The following TSNARE1 variants were observed in gnomAD, a reference collection of about 807,000 sequenced individuals.
TSNARE1 encodes the protein t-SNARE domain containing 1, also known as t-SNARE domain-containing protein 1.
A neutral mutation model predicts 62.0 loss-of-function variants in TSNARE1; 49 were observed. The ratio of observed to expected loss-of-function variants is 0.79; its 90% CI spans 0.63 to 1.00. TSNARE1 has a LOEUF of 1.00. Ranked by LOEUF, TSNARE1 falls within the 50% of genes least tolerant of loss-of-function variation. TSNARE1 has a pLI of 0.00. For synonymous variants in TSNARE1, 328 were observed against 294.4 expected (o/e 1.11, Z -1.17); for missense variants, 755 against 700.1 (o/e 1.08, Z -0.88).
intron 10 of TSNARE1, among the ~76,000 whole-genome samples, chr8:142,288,676 T>A (rs1019815267): frequency 6.6e-6 from 1 of 152,076 alleles, no homozygotes; most frequent in Non-Finnish European, 1.5e-5. Flanking sequence ...GAGGAGCTGG[T>A]GGGGGGTGGG....
At chr8:142,400,237 T>C (rs759376868) in intron 1 of TSNARE1, among the ~76,000 whole-genome samples, 69 of 147,188 alleles carry the variant, frequency 4.7e-4, no homozygotes, top group Non-Finnish European at 7.9e-4. Context: ...TAAAGGTCAG[T>C]AGTTTGAGTC....
chr8:142,326,486 A>G (rs13257419), intron 6 of TSNARE1, among the ~76,000 whole-genome samples: 1,000 of 20,906 alleles, frequency 0.048, 333 homozygotes, highest in South Asian at 0.065. Context: ...GGCATGAGAC[A>G]GATGAGGAAC....
At chr8:142,254,195 C>A (rs915759982) in intron 12 of TSNARE1, among the ~76,000 whole-genome samples, 1 of 152,224 alleles carries the variant, frequency 6.6e-6, no homozygotes, top group Admixed American at 6.5e-5. Context: ...CGATCTATAT[C>A]TGTTTGCAGG....
intron 11 of TSNARE1, chr8:142,275,134 C>G: frequency 2.0e-6 from 2 of 985,430 alleles, no homozygotes; most frequent in Non-Finnish European, 2.4e-6. Context: ...AGAGTCCACT[C>G]AGGAAAGGGT....
intron 4 of TSNARE1, among the ~76,000 whole-genome samples, chr8:142,342,410 C>A (rs1474824567): frequency 1.3e-5 from 2 of 152,192 alleles, no homozygotes; most frequent in Non-Finnish European, 2.9e-5. Flanking sequence ...GTCCTCGCCA[C>A]ACACTGGGCT....
At position 142,303,516 on chromosome 8, in the gene TSNARE1, G is replaced by A. The variant is rs564118023; in HGVS notation, c.1132-2872C>T. ...CACAGGAGACGGAGGGCTCCGCCCC[G>A]TCTCACATGCTTTTCTTTCCAGGAA... On this transcript the variant is annotated intron_variant, in intron 9 of 13. Transcript: ENST00000524325. Among the ~76,000 whole-genome samples, 10 of 152,316 alleles carry A rather than the reference G, an allele frequency of 6.6e-5. No homozygotes were observed. In the South Asian group the frequency reaches 8.3e-4, roughly 13 times the overall value.
intron 11 of TSNARE1, among the ~76,000 whole-genome samples, chr8:142,282,165 G>A (rs1821603954): frequency 6.6e-6 from 1 of 152,200 alleles, no homozygotes; most frequent in African/African-American, 2.4e-5. Flanking sequence ...AGGGACTTCA[G>A]GACACCATGC....
intron 12 of TSNARE1, among the ~76,000 whole-genome samples, chr8:142,256,313 TCAC>T (rs1311837058): frequency 1.0e-3 from 24 of 23,418 alleles, no homozygotes; most frequent in South Asian, 1.4e-3. Context: ...ACCACCATCA[TCAC>T]CACCATCACC....
In TSNARE1 at chr8:142,291,017, G is replaced by A. The variant is rs926600613; in HGVS notation, c.1291-6532C>T. On this transcript the variant is annotated intron_variant, in intron 10 of 13. Coordinates refer to ENST00000524325, the MANE Select transcript of TSNARE1 (RefSeq NM_145003.5). This position sits in a 1 kb window ranked among gnomAD's most constrained non-coding sequence, Gnocchi z 4.8. Reference sequence around the variant, plus strand: ...CAGTGCCCCGGTGAGCCTGCTGCACGCTGGCAGTGGACTGAAGGGCACGCG... The same window carrying A: ...CAGTGCCCCGGTGAGCCTGCTGCACACTGGCAGTGGACTGAAGGGCACGCG... Among the ~76,000 whole-genome samples, 13 of 152,056 alleles carry A rather than the reference G, an allele frequency of 8.5e-5. No homozygotes were observed. The highest frequency in any genetic ancestry group is 1.9e-4 in the Non-Finnish European group (13 of 68,016).
chr8:142,261,104 G>GA (rs1818861161), intron 12 of TSNARE1, among the ~76,000 whole-genome samples: 4 of 59,932 alleles, frequency 6.7e-5, no homozygotes, highest in Admixed American at 1.5e-4. Flanking sequence ...GGAAGAGAGG[G>GA]GGAGCAGGGA....
intron 13 of TSNARE1, among the ~76,000 whole-genome samples, chr8:142,214,986 C>A (rs1815761520): frequency 6.6e-6 from 1 of 152,218 alleles, no homozygotes; most frequent in Non-Finnish European, 1.5e-5. Context: ...GCTCCCTCCC[C>A]CAGCGCTTCC....
chr8:142,400,462 C>A (rs189516662), intron 1 of TSNARE1, among the ~76,000 whole-genome samples: 2 of 142,538 alleles, frequency 1.4e-5, no homozygotes, highest in African/African-American at 5.3e-5. Context: ...TTAAAAGGGC[C>A]GGGCACGGTG....
At chr8:142,254,236 T>TG (rs999293148) in intron 12 of TSNARE1, among the ~76,000 whole-genome samples, 16 of 152,188 alleles carry the variant, frequency 1.1e-4, no homozygotes, top group African/African-American at 3.9e-4. Flanking sequence ...AGTTCTGCTG[T>TG]GGTTTCCAGG....
intron 1 of TSNARE1, among the ~76,000 whole-genome samples, chr8:142,359,733 G>A (rs898867438): frequency 9.2e-5 from 14 of 152,096 alleles, no homozygotes; most frequent in Non-Finnish European, 1.6e-4. Context: ...TGATCCTCAC[G>A]ACACTTGTGA....
chr8:142,276,757 C>G, intron 11 of TSNARE1: 4 of 985,418 alleles, frequency 4.1e-6, no homozygotes, highest in Non-Finnish European at 4.8e-6. Context: ...GGCCCACCCT[C>G]AGAATGGGGA....
chr8:142,218,657 C>G (rs1285085673), intron 13 of TSNARE1, among the ~76,000 whole-genome samples: 1 of 152,166 alleles, frequency 6.6e-6, no homozygotes, highest in Non-Finnish European at 1.5e-5. Context: ...AGGCCGACAC[C>G]CGACACACTC....
At chr8:142,370,266 C>T (rs147882455) in intron 1 of TSNARE1, among the ~76,000 whole-genome samples, 1 of 152,284 alleles carries the variant, frequency 6.6e-6, no homozygotes, top group East Asian at 1.9e-4. Context: ...TATCATCCCA[C>T]AGACCCAAAA....
At chr8:142,254,016 T>C (rs1293119228) in intron 12 of TSNARE1, among the ~76,000 whole-genome samples, 1 of 152,190 alleles carries the variant, frequency 6.6e-6, no homozygotes, top group Non-Finnish European at 1.5e-5. Context: ...AAGACAGAAA[T>C]CAATTCCACG....
chr8:142,212,431 A>G (rs1412482505), intron 13 of TSNARE1, 118 bp from the exon 14 acceptor site: 2 of 152,288 alleles, frequency 1.3e-5, no homozygotes, highest in African/African-American at 2.4e-5. Context: ...GACAGTGTCC[A>G]TGGAGGTAGG....
Sources: allele counts gnomAD v4.1 joint callset (sites outside exome capture counted in the v4.1 genomes callset), GRCh38; gene constraint gnomAD v4.1.1; non-coding constraint Gnocchi (gnomAD v3.1); transcripts MANE v1.5; gene names NCBI Gene and HGNC (gene_info 2026-07-23, HGNC 2026-07-21).